The following RBFOX1 variants were observed in gnomAD, a reference collection of about 807,000 sequenced individuals.
RBFOX1 encodes the protein RNA binding fox-1 homolog 1, also known as RNA binding protein fox-1 homolog 1.
RBFOX1 carries 8 observed loss-of-function variants against 57.7 expected under a neutral mutation model. The ratio of observed to expected loss-of-function variants is 0.14; its 90% CI spans 0.08 to 0.25. The LOEUF is 0.25. RBFOX1 is among the 10% of genes least tolerant of loss of function. The probability of loss-of-function intolerance (pLI) is 1.00; values close to 1 mark genes in which losing one functional copy is unlikely to be tolerated. For synonymous variants in RBFOX1, 326 were observed against 222.4 expected, an observed-to-expected ratio of 1.47 and a Z score of -4.15; for missense variants, 611 against 548.5, an observed-to-expected ratio of 1.11 and a Z score of -1.14.
intron 1 of RBFOX1, among the ~76,000 whole-genome samples, chr16:5,337,101 A>G (rs1395451543): frequency 4.6e-5 from 7 of 152,310 alleles, no homozygotes; most frequent in Middle Eastern, 3.4e-3. Flanking sequence ...AGCTGAAGAG[A>G]TGGCCGGCTG....
chr16:6,364,224 A>C (rs920879970), intron 2 of RBFOX1, among the ~76,000 whole-genome samples: 6 of 152,232 alleles, frequency 3.9e-5, no homozygotes, highest in Non-Finnish European at 8.8e-5. Flanking sequence ...GGCAGAATTC[A>C]AAAGTGCTTT....
At chr16:5,648,550 C>T (rs1181056952) in intron 3 of RBFOX1, among the ~76,000 whole-genome samples, 5 of 151,946 alleles carry the variant, frequency 3.3e-5, no homozygotes, top group Admixed American at 1.3e-4. Flanking sequence ...ATCTAGTGGG[C>T]GGAGACCAGG....
At chr16:6,657,116 T>A (rs541157893) in intron 3 of RBFOX1, among the ~76,000 whole-genome samples, 1 of 122,102 alleles carries the variant, frequency 8.2e-6, no homozygotes, top group African/African-American at 3.7e-5. Flanking sequence ...TCCTCCCCTC[T>A]CCTCTCCTCT....
At chr16:6,547,366 C>A (rs1172574554) in intron 2 of RBFOX1, among the ~76,000 whole-genome samples, 1 of 152,116 alleles carries the variant, frequency 6.6e-6, no homozygotes, top group African/African-American at 2.4e-5. Context: ...TGCTCTCCTT[C>A]CTGAGGATAA....
At chr16:6,740,367 C>T (rs1320431674) in intron 3 of RBFOX1, among the ~76,000 whole-genome samples, 1 of 152,004 alleles carries the variant, frequency 6.6e-6, no homozygotes, top group Non-Finnish European at 1.5e-5. Context: ...CACTGCTATT[C>T]AACATAGTAG....
intron 1 of RBFOX1, among the ~76,000 whole-genome samples, chr16:5,245,081 C>T (rs1009614196): frequency 6.6e-6 from 1 of 152,146 alleles, no homozygotes; most frequent in African/African-American, 2.4e-5. Context: ...CTTCTTGTGG[C>T]CTCTGGAATG....
intron 4 of RBFOX1, among the ~76,000 whole-genome samples, chr16:7,200,151 A>T (rs1422513778): frequency 6.6e-6 from 1 of 152,224 alleles, no homozygotes; most frequent in Non-Finnish European, 1.5e-5. Context: ...TGGGCTACAA[A>T]TTGGGCCTCC....
chr16:6,875,607 A>C (rs1328055593), intron 3 of RBFOX1, among the ~76,000 whole-genome samples: 4 of 152,244 alleles, frequency 2.6e-5, no homozygotes, highest in Non-Finnish European at 5.9e-5. Context: ...TTATTTCAGC[A>C]GAGAAGGTTA....
intron 2 of RBFOX1, among the ~76,000 whole-genome samples, chr16:6,497,259 C>T (rs1407152269): frequency 1.3e-5 from 2 of 152,162 alleles, no homozygotes; most frequent in African/African-American, 4.8e-5. Context: ...TGTGAGGTGC[C>T]TTCCAGACCA....
chr16:6,814,776 T>C (rs1027572651), intron 3 of RBFOX1, among the ~76,000 whole-genome samples: 2 of 151,952 alleles, frequency 1.3e-5, no homozygotes, highest in Admixed American at 6.6e-5. Context: ...AGAGTTGAGG[T>C]TGGATAGAAG....
chr16:6,973,464 G>T (rs1489362775), intron 3 of RBFOX1, among the ~76,000 whole-genome samples: 1 of 152,152 alleles, frequency 6.6e-6, no homozygotes, highest in African/African-American at 2.4e-5. Flanking sequence ...GTAATAGACT[G>T]TTGTGGACCC....
At chr16:5,683,373 T>G (rs984319997) in intron 3 of RBFOX1, among the ~76,000 whole-genome samples, 1 of 151,910 alleles carries the variant, frequency 6.6e-6, no homozygotes, top group Non-Finnish European at 1.5e-5. Context: ...CAATACTGAG[T>G]GTCAACTTGA....
At chr16:7,254,520 C>T (rs542651103) in intron 4 of RBFOX1, among the ~76,000 whole-genome samples, 1 of 151,842 alleles carries the variant, frequency 6.6e-6, no homozygotes, top group South Asian at 2.1e-4. Context: ...CAATATATGC[C>T]CATTTTAGGT....
intron 1 of RBFOX1, among the ~76,000 whole-genome samples, chr16:6,222,964 C>G (rs970016165): frequency 6.6e-6 from 1 of 151,314 alleles, no homozygotes; most frequent in Non-Finnish European, 1.5e-5. Context: ...GGTTTGTTGT[C>G]CTTGCGATAG....
At chr16:5,818,626 G>T (rs1475963077) in intron 3 of RBFOX1, among the ~76,000 whole-genome samples, 1 of 152,208 alleles carries the variant, frequency 6.6e-6, no homozygotes, top group African/African-American at 2.4e-5. Context: ...CGAGAAATTA[G>T]AAGAATTAGA....
intron 2 of RBFOX1, among the ~76,000 whole-genome samples, chr16:6,425,481 C>T (rs576497897): frequency 2.0e-5 from 3 of 152,262 alleles, no homozygotes; most frequent in South Asian, 2.1e-4. Context: ...TGGGATTAGG[C>T]GGTGCTGTGT....
chr16:6,819,054 G>C (rs1022657310), intron 3 of RBFOX1, among the ~76,000 whole-genome samples: 1 of 152,178 alleles, frequency 6.6e-6, no homozygotes, highest in African/African-American at 2.4e-5. Context: ...CATTGTATAA[G>C]CGACTTGAAT....
chr16:7,076,364 T>C (rs1157576705), intron 4 of RBFOX1, among the ~76,000 whole-genome samples: 7 of 151,966 alleles, frequency 4.6e-5, no homozygotes, highest in African/African-American at 1.7e-4. Flanking sequence ...TAAGTAGAAA[T>C]GAAATCATTT....
In RBFOX1 at chr16:6,290,165, C is replaced by A. The variant is rs555107116; in HGVS notation, c.-126-26830C>A. ...CTTTTTTATGAATTTTGCTGCATTA[C>A]CTGAAAGTGAGCATTAGTTACTTGT... On this transcript the variant is annotated intron_variant, in intron 1 of 15. Coordinates refer to ENST00000550418, the MANE Select transcript of RBFOX1 (RefSeq NM_018723.4). Among the ~76,000 whole-genome samples the A allele has an allele frequency of 5.8e-5, 8 of 138,306 alleles. No individual in the cohort carries two copies. The South Asian group carries it at 1.8e-3, about 32-fold the overall frequency. The allele number at this position is 138,306 out of a possible 152,430, so 90.7% of individuals were successfully genotyped here. A position where few individuals can be genotyped will look rare whatever the true frequency, so the allele number is the denominator to read the frequency against.
Sources: allele counts gnomAD v4.1 joint callset (sites outside exome capture counted in the v4.1 genomes callset), GRCh38; gene constraint gnomAD v4.1.1; transcripts MANE v1.5; gene names NCBI Gene and HGNC (gene_info 2026-07-23, HGNC 2026-07-21).